AEBP2: variants seen among roughly 807,000 people sequenced by gnomAD.
AEBP2 encodes the protein zinc finger protein AEBP2.
In AEBP2, 10 loss-of-function variants were observed where a neutral mutation model predicts 50.8. That is an observed-to-expected ratio of 0.20 (90% confidence interval 0.12 to 0.33). The LOEUF is 0.33. Among genes scored for constraint, AEBP2 ranks in the 10% least tolerant of loss-of-function variants. The pLI, the probability that AEBP2 is intolerant of heterozygous loss-of-function variation, is 1.00. For missense variants in AEBP2, 570 were observed against 688.0 expected, an observed-to-expected ratio of 0.83 and a Z score of 1.92; for synonymous variants, 296 against 261.3, an observed-to-expected ratio of 1.13 and a Z score of -1.28.
At chr12:19,474,929 A>AT (rs1407586317) in intron 3 of AEBP2, among the ~76,000 whole-genome samples, 1 of 151,940 alleles carries the variant, frequency 6.6e-6, no homozygotes, top group East Asian at 1.9e-4. Flanking sequence ...AGTAGCTGGG[A>AT]TTACCGGCAT....
rs908950042 is a variant in AEBP2 at position 19,521,106 on chromosome 12, A to G, written c.*2989A>G. The G allele has an allele frequency of 3.3e-5, 5 of 152,222 alleles. No homozygotes were observed. Among genetic ancestry groups the G allele is most frequent in the African/African-American group, 9.6e-5 (4 of 41,462 alleles). 9.4% of individuals were successfully genotyped at this position (152,222 alleles called of 1,614,324 possible). On this transcript the variant is annotated 3_prime_UTR_variant, in exon 8 of 8. Transcript: ENST00000266508. ...AAAATCTGAAATACTTCTGGTCCCA[A>G]GCATTTCGGATAAGGGATACTCAGC...
intron 1 of AEBP2, among the ~76,000 whole-genome samples, chr12:19,412,585 GTTA>G (rs138317589): frequency 0.047 from 7,114 of 151,406 alleles, 355 homozygotes; most frequent in Admixed American, 0.14. Flanking sequence ...GCCTCCGAAG[GTTA>G]TTATTATTAT....
intron 1 of AEBP2, among the ~76,000 whole-genome samples, chr12:19,454,359 C>G (rs1172165562): frequency 6.6e-6 from 1 of 151,914 alleles, no homozygotes; most frequent in East Asian, 1.9e-4. Flanking sequence ...TTAATTGTTA[C>G]CACACACACA....
intron 1 of AEBP2, among the ~76,000 whole-genome samples, chr12:19,454,586 T>C (rs1031176547): frequency 6.6e-6 from 1 of 152,224 alleles, no homozygotes; most frequent in Non-Finnish European, 1.5e-5. Context: ...ATTCGTAGAT[T>C]TTAGTTTTTT....
chr12:19,495,936 CAG>C (rs1490385292), intron 4 of AEBP2, among the ~76,000 whole-genome samples: 5 of 152,118 alleles, frequency 3.3e-5, no homozygotes, highest in Non-Finnish European at 7.4e-5. Flanking sequence ...TTTATAAAAA[CAG>C]AAATTTAGCA....
chr12:19,440,044 G>C lies in AEBP2; in HGVS notation c.345G>C (p.Gly115=), dbSNP rs918408344. The C allele has an allele frequency of 2.0e-6, 3 of 1,523,424 alleles. No individual in the cohort carries two copies. The highest frequency in any genetic ancestry group is 2.6e-6 in the Non-Finnish European group (3 of 1,141,378). The allele number at this position is 1,523,424 out of a possible 1,614,324, so 94.4% of individuals were successfully genotyped here. The change falls in exon 1 of 8, where the codon GGG becomes GGC. Residue 115 remains glycine (G), a synonymous_variant. Transcript: ENST00000266508. ...AAGATGAGAGCAGCAGCAGCGGCGG[G>C]GGTGAGGAGGAGAGTAGCGCCGAGA... ...EEEDESSSSG[G]GEEESSAESL...
chr12:19,406,242 G>A (rs2095736216), intron 1 of AEBP2, among the ~76,000 whole-genome samples: 1 of 152,006 alleles, frequency 6.6e-6, no homozygotes, highest in Admixed American at 6.6e-5. Flanking sequence ...TGGGATTATA[G>A]GCATGAGCCA....
chr12:19,516,288 T>C (rs1173247810), intron 7 of AEBP2, among the ~76,000 whole-genome samples: 2 of 152,176 alleles, frequency 1.3e-5, no homozygotes, highest in Non-Finnish European at 2.9e-5. Context: ...TTTAGAGTTA[T>C]TTCTGTTTAC....
chr12:19,475,967 C>G (rs1948643147), intron 3 of AEBP2, among the ~76,000 whole-genome samples: 1 of 152,134 alleles, frequency 6.6e-6, no homozygotes, highest in African/African-American at 2.4e-5. Flanking sequence ...TTCTCCCATT[C>G]TGTGGGTTGT....
Position 19,429,346 on chromosome 12 carries a change from A to G in AEBP2, c.-17+25130A>G, listed in dbSNP as rs185348600. Among the ~76,000 whole-genome samples the G allele has an allele frequency of 6.2e-4, 95 of 152,280 alleles. 1 individual carries two copies. Among genetic ancestry groups the G allele is most frequent in the African/African-American group, 2.3e-3 (95 of 41,576 alleles). ...GGCTGCATAGTATTCCTTGGTGTAT[A>G]TGTGCCACATTTTCTTAATCCAGTC... is the stretch of plus-strand genomic sequence containing the variant. On this transcript the variant is annotated intron_variant, in intron 1 of 3. Transcript: ENST00000538425.
rs949257391 is a variant in AEBP2, at chr12:19,456,672, C to T, written c.672-5838C>T. ...GCTGTCACCAGCATCATTGCCATGA[C>T]GAACATCCTTGACAGACACATTCTT... is the stretch of plus-strand genomic sequence containing the variant. On this transcript the variant is annotated intron_variant, in intron 1 of 7. Coordinates refer to ENST00000266508, the MANE Select transcript of AEBP2 (RefSeq NM_153207.5). 7 of 1,559,772 alleles carry T rather than the reference C, an allele frequency of 4.5e-6. No homozygotes were observed. In the Admixed American group the frequency reaches 6.7e-5, roughly 15 times the overall value.
intron 5 of AEBP2, 87 bp downstream of exon 5, chr12:19,500,308 A>G (rs1949048980): frequency 8.1e-7 from 1 of 1,230,232 alleles, no homozygotes; most frequent in African/African-American, 1.6e-5. Context: ...TCAAAATCTA[A>G]GAAAGTACAA....
chr12:19,481,476 C>CTT (rs777141370), intron 3 of AEBP2, among the ~76,000 whole-genome samples: 1 of 137,966 alleles, frequency 7.2e-6, no homozygotes. Flanking sequence ...CTTTTCTTTT[C>CTT]TTTTTTTTTT....
At chr12:19,516,005 AG>A (rs1346304293) in intron 7 of AEBP2, among the ~76,000 whole-genome samples, 4 of 152,190 alleles carry the variant, frequency 2.6e-5, no homozygotes, top group African/African-American at 7.2e-5. Context: ...GGATTGCTTC[AG>A]CCTGGAAGTT....
At chr12:19,471,058 C>T (rs775426754) in intron 2 of AEBP2, among the ~76,000 whole-genome samples, 1 of 147,184 alleles carries the variant, frequency 6.8e-6, no homozygotes, top group African/African-American at 2.4e-5. Flanking sequence ...TAAACCAACC[C>T]CTGATTCCTC....
At chr12:19,468,110 A>G (rs192346452) in intron 2 of AEBP2, among the ~76,000 whole-genome samples, 3 of 99,974 alleles carry the variant, frequency 3.0e-5, no homozygotes, top group Non-Finnish European at 7.0e-5. Flanking sequence ...CATCCATCCA[A>G]CCCCTCTGCC....
chr12:19,473,814 A>C (rs971997295), intron 3 of AEBP2, among the ~76,000 whole-genome samples: 1 of 152,200 alleles, frequency 6.6e-6, no homozygotes, highest in Non-Finnish European at 1.5e-5. Context: ...ATTCTTGTAC[A>C]CGCATTGAAT....
intron 1 of AEBP2, 163 bp downstream of exon 1, chr12:19,440,533 C>G (rs1668256815): frequency 1.5e-6 from 2 of 1,379,268 alleles, no homozygotes; most frequent in African/African-American, 2.9e-5. Flanking sequence ...GCCGCCGCGC[C>G]CCTCTCGCAG....
rs555293476 is a variant in AEBP2 at position 19,484,394 on chromosome 12, G to A, written c.988-9406G>A. Reference sequence around the variant, plus strand: ...TCTTAATAGTTTATTTTTTTGAGACGGAGTCTTGCTGTGCTCTGTTGCCAG... The same window carrying A: ...TCTTAATAGTTTATTTTTTTGAGACAGAGTCTTGCTGTGCTCTGTTGCCAG... On this transcript the variant is annotated intron_variant, in intron 3 of 7. Coordinates refer to ENST00000266508, the MANE Select transcript of AEBP2 (RefSeq NM_153207.5). Among the ~76,000 whole-genome samples, 3 of 150,914 alleles carry A rather than the reference G, an allele frequency of 2.0e-5. No individual in the cohort carries two copies. The East Asian group carries it at 5.9e-4, about 29-fold the overall frequency.
Sources: gnomAD v4.1 joint callset for allele counts (sites outside exome capture counted in the v4.1 genomes callset) on GRCh38, gnomAD v4.1.1 for gene constraint, MANE v1.5 for transcripts, NCBI Gene and HGNC (gene_info 2026-07-23, HGNC 2026-07-21) for gene names.